Variants in SVIL observed in about 807,000 individuals in gnomAD.
The protein encoded by SVIL is archvillin.
Under a neutral mutation model 240.4 loss-of-function variants are expected in SVIL, and 101 were observed. That is an observed-to-expected ratio of 0.42 (90% confidence interval 0.36 to 0.50). The LOEUF (loss-of-function observed/expected upper bound fraction) is 0.50, where lower values mean the gene tolerates loss of function less well. Ranked by LOEUF, SVIL falls within the 20% of genes least tolerant of loss-of-function variation. SVIL has a pLI of 0.01. For missense variants in SVIL, 2,512 were observed against 2,818.7 expected, an observed-to-expected ratio of 0.89 and a Z score of 2.46; for synonymous variants, 999 against 1,100.0, an observed-to-expected ratio of 0.91 and a Z score of 1.82.
chr10:29,695,412 A>G (rs117653197), intron 1 of SVIL, among the ~76,000 whole-genome samples: 2,310 of 152,236 alleles, frequency 0.015, 44 homozygotes, highest in East Asian at 0.095. Flanking sequence ...CATGTAACCA[A>G]AAACCATTTG....
chr10:29,515,082 C>G (rs528743018), intron 16 of SVIL, among the ~76,000 whole-genome samples: 30 of 152,256 alleles, frequency 2.0e-4, no homozygotes, highest in East Asian at 5.8e-4. Context: ...CCTTCTCCCC[C>G]CTTCATTTCT....
intron 12 of SVIL, 40 bp from the exon 13 acceptor site, chr10:29,527,096 GA>G: frequency 6.4e-7 from 1 of 1,560,806 alleles, no homozygotes; most frequent in South Asian, 1.1e-5. Context: ...TTCATAAGGA[GA>G]GAGAAGAAAA....
At chr10:29,526,575 T>C (rs1417215145) in intron 13 of SVIL, among the ~76,000 whole-genome samples, 1 of 152,196 alleles carries the variant, frequency 6.6e-6, no homozygotes, top group Admixed American at 6.5e-5. Context: ...AGTGCTGGGA[T>C]TACAGGCATG....
chr10:29,676,847 C>T (rs1463815131), intron 2 of SVIL, among the ~76,000 whole-genome samples: 2 of 152,054 alleles, frequency 1.3e-5, no homozygotes, highest in Non-Finnish European at 1.5e-5. Context: ...TCTTTTCCTA[C>T]TGGCACACAG....
intron 1 of SVIL, among the ~76,000 whole-genome samples, chr10:29,583,746 G>A (rs1439963032): frequency 3.9e-5 from 6 of 152,154 alleles, no homozygotes; most frequent in Admixed American, 1.3e-4. Flanking sequence ...TCATATTATT[G>A]CACCAGGAAA....
At chr10:29,573,653 C>T (rs1431451105) in intron 1 of SVIL, among the ~76,000 whole-genome samples, 5 of 151,924 alleles carry the variant, frequency 3.3e-5, no homozygotes, top group African/African-American at 1.2e-4. Flanking sequence ...CATTTCCTCA[C>T]GTCATTCTGT....
At position 29,486,574 on chromosome 10, in the gene SVIL, C is replaced by T; in HGVS notation, c.4486-17G>A. On this transcript the variant is annotated splice_polypyrimidine_tract_variant and intron_variant, in intron 24 of 37. Coordinates refer to ENST00000355867, the MANE Select transcript of SVIL (RefSeq NM_021738.3). ...TTCTGAGGCCTAAAAAAGAGAGGAA[C>T]ACAATTGCCTGGGTAGAAAAGCCCT... 6.8e-6 allele frequency: 11 copies of T among 1,614,020 alleles called. No homozygotes were observed. Among genetic ancestry groups the T allele is most frequent in the Non-Finnish European group, 9.3e-6 (11 of 1,179,972 alleles).
intron 1 of SVIL, among the ~76,000 whole-genome samples, chr10:29,617,343 G>GA (rs1957462631): frequency 1.3e-5 from 2 of 152,244 alleles, no homozygotes; most frequent in South Asian, 4.1e-4. Flanking sequence ...AGAGGATAAA[G>GA]AAAGAGTTTT....
In SVIL at chr10:29,582,311, G is replaced by A. The variant is rs185706664; in HGVS notation, c.-200-12999C>T. On this transcript the variant is annotated intron_variant, in intron 1 of 37. Transcript: ENST00000355867. ...TGCAGGCACATGCTGAGCACCTGGA[G>A]AACAGCTCTTGTGAGGGGCACATGG... Among the ~76,000 whole-genome samples the A allele has an allele frequency of 3.8e-3, 574 of 152,324 alleles. 2 individuals are homozygous for A. The highest frequency in any genetic ancestry group is 0.013 in the African/African-American group (553 of 41,564).
chr10:29,472,947 G>C (rs1289024189), intron 30 of SVIL, among the ~76,000 whole-genome samples: 1 of 152,174 alleles, frequency 6.6e-6, no homozygotes, highest in Non-Finnish European at 1.5e-5. Flanking sequence ...GGGGGGCAGT[G>C]GTGCGGGTAA....
intron 1 of SVIL, among the ~76,000 whole-genome samples, chr10:29,614,011 A>G (rs1021177312): frequency 6.6e-6 from 1 of 152,178 alleles, no homozygotes; most frequent in African/African-American, 2.4e-5. Flanking sequence ...GCTAAGTCTT[A>G]GGCACTGAGC....
rs778027430 is a variant in SVIL, at chr10:29,465,663, G to T, written c.6065C>A (p.Ala2022Asp). 1.2e-6 allele frequency: 2 copies of T among 1,613,768 alleles called. No individual in the cohort carries two copies. Among genetic ancestry groups the T allele is most frequent in the Admixed American group, 1.7e-5 (1 of 60,024 alleles). Residue 2022 changes from alanine to aspartate, a missense_variant, in exon 34 of 38, where the codon GCC (alanine) becomes GAC (aspartate). By Grantham distance (126) the Ala-to-Asp change is moderately radical. Around this residue, in one of 3 missense-constraint regions of SVIL, gnomAD observed 797 missense variants for 925.3 expected, o/e 0.86. Coordinates refer to ENST00000355867, the MANE Select transcript of SVIL (RefSeq NM_021738.3). ...GGAACTGACCACAGAGGGGGCTCGG[G>T]CAGGGTACACAAACTCTGTGGCTGC... ...DFAATEFVYPARAPSVVSSMP... is the reference protein window; with the variant it reads ...DFAATEFVYPDRAPSVVSSMP...
chr10:29,491,854 T>C (rs1323090559), intron 21 of SVIL, among the ~76,000 whole-genome samples: 4 of 152,248 alleles, frequency 2.6e-5, no homozygotes, highest in African/African-American at 9.6e-5. Flanking sequence ...GAGAAATGGT[T>C]AAACCGCTAT....
At chr10:29,609,129 C>A (rs980253422) in intron 1 of SVIL, among the ~76,000 whole-genome samples, 1 of 152,212 alleles carries the variant, frequency 6.6e-6, no homozygotes, top group African/African-American at 2.4e-5. Flanking sequence ...AAAGCTCCTG[C>A]CTGCCTTGTT....
chr10:29,708,257 CAAA>C (rs35982600), intron 1 of SVIL, among the ~76,000 whole-genome samples: 839 of 62,618 alleles, frequency 0.013, 2 homozygotes, highest in Non-Finnish European at 0.018. Flanking sequence ...GACTCCATCT[CAAA>C]AAAAAAAAAA....
In SVIL at chr10:29,578,202, C is replaced by T. The variant is rs139710478; in HGVS notation, c.-200-8890G>A. 7.3e-3 allele frequency among the ~76,000 whole-genome samples: 1,113 copies of T among 152,326 alleles called. 9 individuals carry two copies. Among genetic ancestry groups the T allele is most frequent in the Admixed American group, 0.011 (161 of 15,300 alleles). ...AAATAAACCAAGACATTAATTCTCT[C>T]ACAACTCAGAGATAACTCTGTTCAT... is the stretch of plus-strand genomic sequence containing the variant. On this transcript the variant is annotated intron_variant, in intron 1 of 37. Transcript: ENST00000355867.
At chr10:29,619,718 TAACA>T (rs1957558431) in intron 1 of SVIL, among the ~76,000 whole-genome samples, 1 of 152,240 alleles carries the variant, frequency 6.6e-6, no homozygotes, top group South Asian at 2.1e-4. Context: ...AAATTTGAGT[TAACA>T]AACACCAAAG....
chr10:29,459,761 CAT>C (rs1944017036), intron 36 of SVIL, among the ~76,000 whole-genome samples: 1 of 152,102 alleles, frequency 6.6e-6, no homozygotes, highest in Non-Finnish European at 1.5e-5. Context: ...AGCTGTTGCT[CAT>C]ATTAGAAATA....
chr10:29,576,150 G>A (rs1215375332), intron 1 of SVIL: 1 of 983,786 alleles, frequency 1.0e-6, no homozygotes, highest in Non-Finnish European at 1.2e-6. Flanking sequence ...GAAAGTGTAT[G>A]CTGTGAACGA....
Sources: allele counts gnomAD v4.1 joint callset (sites outside exome capture counted in the v4.1 genomes callset), GRCh38; gene constraint gnomAD v4.1.1; regional missense constraint gnomAD v4.1.1; transcripts MANE v1.5; gene names NCBI Gene and HGNC (gene_info 2026-07-23, HGNC 2026-07-21).